Variants in PRELID2 observed in about 807,000 individuals in gnomAD.
PRELID2 encodes PRELI domain containing 2, also known as PRELI domain-containing protein 2.
PRELID2 carries 25 observed loss-of-function variants against 28.4 expected under a neutral mutation model. That is an observed-to-expected ratio of 0.88 (90% CI 0.64 to 1.23). The LOEUF is 1.23. Among genes scored for constraint, PRELID2 ranks in the 50% most tolerant of loss-of-function variants. PRELID2 has a pLI of 0.00. For missense variants in PRELID2, 201 were observed against 214.4 expected (o/e 0.94, Z 0.39); for synonymous variants, 76 against 71.6 (o/e 1.06, Z -0.31).
At chr5:145,722,611 G>A (rs1289733299) in intron 1 of PRELID2, among the ~76,000 whole-genome samples, 3 of 152,092 alleles carry the variant, frequency 2.0e-5, no homozygotes, top group African/African-American at 7.2e-5. Context: ...CGATTCTCCT[G>A]CCTCAGCCTC....
At chr5:145,623,818 T>G (rs1242410769) in intron 1 of PRELID2, among the ~76,000 whole-genome samples, 2 of 152,164 alleles carry the variant, frequency 1.3e-5, no homozygotes, top group Non-Finnish European at 2.9e-5. Flanking sequence ...GCTCCCCAAC[T>G]CTCCAACACC....
chr5:145,694,250 T>C (rs1196672363), intron 1 of PRELID2, among the ~76,000 whole-genome samples: 2 of 152,242 alleles, frequency 1.3e-5, no homozygotes, highest in African/African-American at 2.4e-5. Context: ...TATGAACATA[T>C]TGTACATAAG....
chr5:145,379,133 G>A, the PRELID2 span, among the ~76,000 whole-genome samples: 1 of 152,134 alleles, frequency 6.6e-6, no homozygotes, highest in African/African-American at 2.4e-5. Flanking sequence ...TTTAATTCTG[G>A]AAGATTTGTA....
intron 1 of PRELID2, among the ~76,000 whole-genome samples, chr5:145,630,232 G>T (rs1753914084): frequency 6.6e-6 from 1 of 152,114 alleles, no homozygotes; most frequent in South Asian, 2.1e-4. Context: ...AAAGACCATT[G>T]GGTTTCATGA....
At chr5:145,564,435 T>C (rs1752948485) in intron 1 of PRELID2, among the ~76,000 whole-genome samples, 1 of 152,178 alleles carries the variant, frequency 6.6e-6, no homozygotes, top group African/African-American at 2.4e-5. Context: ...CACTTTTGCA[T>C]GTGCTCATCC....
At chr5:145,294,867 T>C in the PRELID2 span, among the ~76,000 whole-genome samples, 1 of 152,240 alleles carries the variant, frequency 6.6e-6, no homozygotes, top group South Asian at 2.1e-4. Flanking sequence ...GGCCTCAAAA[T>C]GAGAATTTCC....
At chr5:145,411,599 T>C in the PRELID2 span, among the ~76,000 whole-genome samples, 3 of 152,212 alleles carry the variant, frequency 2.0e-5, no homozygotes, top group East Asian at 1.9e-4. Flanking sequence ...TGTCTGCAGC[T>C]TTTCCAGGCA....
At chr5:145,453,946 G>A in the PRELID2 span, among the ~76,000 whole-genome samples, 1 of 152,048 alleles carries the variant, frequency 6.6e-6, no homozygotes, top group Non-Finnish European at 1.5e-5. Context: ...TGTCTTTACA[G>A]TAGAATGATT....
At chr5:145,394,416 C>A in the PRELID2 span, among the ~76,000 whole-genome samples, 246 of 132,202 alleles carry the variant, frequency 1.9e-3, 5 homozygotes, top group East Asian at 0.041. Flanking sequence ...GGGAACATCA[C>A]ACACCAGGGA....
the PRELID2 span, among the ~76,000 whole-genome samples, chr5:145,293,212 T>C: frequency 1.3e-5 from 2 of 152,196 alleles, no homozygotes; most frequent in Non-Finnish European, 2.9e-5. Flanking sequence ...TTCATCTGTA[T>C]TGTCCCCACA....
At chr5:145,530,029 A>C (rs1160515333) in intron 1 of PRELID2, among the ~76,000 whole-genome samples, 1 of 152,112 alleles carries the variant, frequency 6.6e-6, no homozygotes, top group Non-Finnish European at 1.5e-5. Flanking sequence ...ATATTGCTTT[A>C]TGTCTCAGAT....
chr5:145,377,688 C>T, the PRELID2 span, among the ~76,000 whole-genome samples: 1 of 151,926 alleles, frequency 6.6e-6, no homozygotes, highest in Non-Finnish European at 1.5e-5. Context: ...GATTGCAACC[C>T]CGTTTTCTTG....
intron 1 of PRELID2, among the ~76,000 whole-genome samples, chr5:145,626,257 G>A (rs981152035): frequency 3.3e-5 from 5 of 152,076 alleles, no homozygotes; most frequent in African/African-American, 1.2e-4. Context: ...TACAGAATTG[G>A]AGAAAATATT....
At chr5:145,520,597 C>T (rs1314370221) in intron 1 of PRELID2, among the ~76,000 whole-genome samples, 2 of 152,232 alleles carry the variant, frequency 1.3e-5, no homozygotes, top group African/African-American at 4.8e-5. Context: ...TTCTCAGGAA[C>T]CTGCCCAGCC....
At chr5:145,516,088 G>A (rs1752514211) in intron 1 of PRELID2, among the ~76,000 whole-genome samples, 1 of 152,122 alleles carries the variant, frequency 6.6e-6, no homozygotes, top group African/African-American at 2.4e-5. Flanking sequence ...CACAAAACAA[G>A]GATGCCCTCT....
At chr5:145,657,631 G>A (rs1341411046) in intron 1 of PRELID2, among the ~76,000 whole-genome samples, 1 of 152,128 alleles carries the variant, frequency 6.6e-6, no homozygotes, top group African/African-American at 2.4e-5. Context: ...GTTGCACTGA[G>A]CCAAGATCGC....
chr5:145,818,078 T>C (rs781054733), intron 3 of PRELID2, 24 bp from the exon 4 acceptor site: 48 of 1,607,908 alleles, frequency 3.0e-5, no homozygotes, highest in Non-Finnish European at 4.0e-5. Context: ...AGAAAATGGC[T>C]TTTTCAATTT....
the PRELID2 span, among the ~76,000 whole-genome samples, chr5:145,383,788 G>A: frequency 2.6e-4 from 40 of 151,818 alleles, no homozygotes; most frequent in Middle Eastern, 6.8e-3. Flanking sequence ...ATTTCTTAAA[G>A]AGAAGACCCA....
At chr5:145,648,740 T>C (rs1449965193) in intron 1 of PRELID2, among the ~76,000 whole-genome samples, 1 of 150,342 alleles carries the variant, frequency 6.7e-6, no homozygotes, top group African/African-American at 2.4e-5. Flanking sequence ...ACTTCTGCAA[T>C]ATCCTTTACT....
Sources: allele counts gnomAD v4.1 joint callset (sites outside exome capture counted in the v4.1 genomes callset), GRCh38; gene constraint gnomAD v4.1.1; transcripts MANE v1.5; gene names NCBI Gene and HGNC (gene_info 2026-07-23, HGNC 2026-07-21).